Variants in SNRPC observed in about 807,000 individuals in gnomAD.
SNRPC encodes small nuclear ribonucleoprotein polypeptide C.
A neutral mutation model predicts 20.0 loss-of-function variants in SNRPC; 5 were observed. The observed-to-expected ratio is 0.25, with a 90% CI of 0.13 to 0.53. The LOEUF (loss-of-function observed/expected upper bound fraction) is 0.53. SNRPC is among the 20% of genes least tolerant of loss of function. The probability of loss-of-function intolerance (pLI) is 0.96; values close to 1 mark genes in which losing one functional copy is unlikely to be tolerated. For missense variants in SNRPC, 112 were observed against 224.1 expected (o/e 0.50, Z 3.19); for synonymous variants, 61 against 58.7 (o/e 1.04, Z -0.18).
chr6:34,765,135 G>C (rs946631680), intron 3 of SNRPC, among the ~76,000 whole-genome samples: 4 of 152,064 alleles, frequency 2.6e-5, no homozygotes, highest in Non-Finnish European at 5.9e-5. Flanking sequence ...TCTCAACCTC[G>C]ATACTGTTGG....
chr6:34,763,448 G>A (rs11965761), intron 3 of SNRPC, among the ~76,000 whole-genome samples: 66,498 of 151,704 alleles, frequency 0.44, 16,381 homozygotes, highest in African/African-American at 0.67. Context: ...TTGGGAGGCC[G>A]AGGCTGGCAG....
intron 2 of SNRPC, among the ~76,000 whole-genome samples, chr6:34,761,012 C>G (rs181817085): frequency 6.6e-6 from 1 of 150,548 alleles, no homozygotes; most frequent in African/African-American, 2.4e-5. Context: ...CTTGCCACTG[C>G]ACTCCAGCCT....
intron 5 of SNRPC, among the ~76,000 whole-genome samples, chr6:34,772,051 A>G (rs922755076): frequency 6.6e-6 from 1 of 152,178 alleles, no homozygotes; most frequent in Non-Finnish European, 1.5e-5. Flanking sequence ...TTTTCAAACC[A>G]GGATAAAATG....
rs777886126 is a variant in SNRPC at position 34,764,945 on chromosome 6, C to T, written c.160+2242C>T. Among the ~76,000 whole-genome samples the T allele has an allele frequency of 4.6e-5, 7 of 151,954 alleles. No individual in the cohort carries two copies. The South Asian group carries it at 8.3e-4, about 18-fold the overall frequency. On this transcript the variant is annotated intron_variant, in intron 3 of 5. Transcript: ENST00000244520. The stretch of plus-strand genomic sequence containing the variant: ...CTGAGGCAGGAGAATCGCTTGAACC[C>T]GGGAGGTGGAGGTTGCAGTGAACAG...
At chr6:34,759,678 A>G (rs887884018) in intron 2 of SNRPC, among the ~76,000 whole-genome samples, 2 of 152,206 alleles carry the variant, frequency 1.3e-5, no homozygotes, top group African/African-American at 2.4e-5. Context: ...GATTCATTCT[A>G]AAGTACCAGG....
At chr6:34,765,725 G>A (rs1170982198) in intron 3 of SNRPC, among the ~76,000 whole-genome samples, 1 of 151,596 alleles carries the variant, frequency 6.6e-6, no homozygotes, top group Non-Finnish European at 1.5e-5. Flanking sequence ...GGCCAGGCAT[G>A]AGCCACCATG....
Position 34,773,474 on chromosome 6 carries a change from C to G in SNRPC, c.384C>G (p.Gly128=), listed in dbSNP as rs1457689507. The change falls in exon 6 of 6, where the codon GGC becomes GGG. Residue 128 remains glycine (G), a synonymous_variant. Coordinates refer to ENST00000244520, the MANE Select transcript of SNRPC (RefSeq NM_003093.3). This position sits in a 1 kb window ranked among gnomAD's most constrained non-coding sequence, Gnocchi z 4.1. ...PAPGMRPPMG[G]HMPMMPGPPM... ...CTGGAATGAGGCCGCCCATGGGAGG[C>G]CATATGCCAATGATGCCTGGGCCCC... 2 of 1,613,634 alleles carry G rather than the reference C, an allele frequency of 1.2e-6. No individual in the cohort carries two copies. The highest frequency in any genetic ancestry group is 1.7e-6 in the Non-Finnish European group (2 of 1,179,784).
intron 5 of SNRPC, among the ~76,000 whole-genome samples, chr6:34,772,332 C>G (rs1005250497): frequency 5.3e-5 from 8 of 152,202 alleles, no homozygotes; most frequent in African/African-American, 9.7e-5. Context: ...ACTATGGAGA[C>G]TAAAGAAAAC....
In SNRPC at chr6:34,762,348, A is replaced by G. The variant is rs531177111; in HGVS notation, c.52-247A>G. 2.1e-4 allele frequency among the ~76,000 whole-genome samples: 32 copies of G among 152,176 alleles called. 1 individual carries two copies. The South Asian group carries it at 6.6e-3, about 32-fold the overall frequency. Reference sequence around the variant, plus strand: ...TAGAGATAAATGTGGTTGTGTTCCAATACTTTTTTTTTAAAACACAAAAGC... The same window carrying G: ...TAGAGATAAATGTGGTTGTGTTCCAGTACTTTTTTTTTAAAACACAAAAGC... On this transcript the variant is annotated intron_variant, in intron 2 of 5. Transcript: ENST00000244520.
At position 34,757,537 on chromosome 6, in the gene SNRPC, G is replaced by C; in HGVS notation, c.-7G>C. 6.2e-7 allele frequency: 1 copy of C among 1,613,768 alleles called. No individual in the cohort carries two copies. Reference sequence around the variant, plus strand: ...GTAACGGAGTGGCCAACGGCCTGCAGAGCAACATGCCCAAGTGAGTGGGGC... The same window carrying C: ...GTAACGGAGTGGCCAACGGCCTGCACAGCAACATGCCCAAGTGAGTGGGGC... On this transcript the variant is annotated 5_prime_UTR_variant, in exon 1 of 6. Coordinates refer to ENST00000244520, the MANE Select transcript of SNRPC (RefSeq NM_003093.3).
chr6:34,757,832 T>A (rs555521054), intron 1 of SNRPC, 80 bp from the exon 2 acceptor site: 2 of 1,609,830 alleles, frequency 1.2e-6, no homozygotes, highest in African/African-American at 2.7e-5. Context: ...TGTTTTGTTT[T>A]TATCTTCCAT....
At chr6:34,763,099 T>G (rs2127406275) in intron 3 of SNRPC, among the ~76,000 whole-genome samples, 1 of 152,248 alleles carries the variant, frequency 6.6e-6, no homozygotes, top group East Asian at 1.9e-4. Context: ...CCCAAATAGT[T>G]TGAGACTATA....
intron 3 of SNRPC, among the ~76,000 whole-genome samples, chr6:34,767,043 A>G (rs886254265): frequency 6.6e-6 from 1 of 152,132 alleles, no homozygotes; most frequent in Non-Finnish European, 1.5e-5. Context: ...TTTTAAATTG[A>G]TTGCATTAGA....
intron 3 of SNRPC, among the ~76,000 whole-genome samples, chr6:34,764,142 G>C (rs1233736498): frequency 6.6e-6 from 1 of 150,746 alleles, no homozygotes; most frequent in Non-Finnish European, 1.5e-5. Flanking sequence ...TCAGGAGTTC[G>C]AGACCAGCTT....
chr6:34,767,820 G>A, intron 3 of SNRPC, 88 bp from the exon 4 acceptor site: 1 of 1,326,156 alleles, frequency 7.5e-7, no homozygotes. Flanking sequence ...TGGAACCGTT[G>A]AAGACTTAAA....
intron 5 of SNRPC, among the ~76,000 whole-genome samples, chr6:34,771,749 C>T (rs1388885235): frequency 6.6e-6 from 1 of 152,152 alleles, no homozygotes; most frequent in African/African-American, 2.4e-5. Flanking sequence ...GCAGAAGTAT[C>T]AGTATGTGTG....
Position 34,768,901 on chromosome 6 carries a change from T to C in SNRPC, c.250+904T>C, listed in dbSNP as rs1340749482. ...GACTGAGTGCTGTACTGGGTCGTAC[T>C]GTACTGTAGCTCTCCTGGGAGGGGT... On this transcript the variant is annotated intron_variant, in intron 4 of 5. Coordinates refer to ENST00000244520, the MANE Select transcript of SNRPC (RefSeq NM_003093.3). 3.3e-5 allele frequency among the ~76,000 whole-genome samples: 5 copies of C among 152,208 alleles called. No individual in the cohort carries two copies. In the South Asian group the frequency reaches 1.0e-3, roughly 31 times the overall value.
At chr6:34,772,886 AT>A (rs1246615203) in intron 5 of SNRPC, 1 of 152,196 alleles carries the variant, frequency 6.6e-6, no homozygotes, top group Non-Finnish European at 1.5e-5. Context: ...GTGTGCGCTA[AT>A]TGTTATAAAT....
chr6:34,770,044 GAAACCCTGTCTCTACTAGAAATACAA>G (rs1386407077), intron 4 of SNRPC, among the ~76,000 whole-genome samples: 1 of 152,294 alleles, frequency 6.6e-6, no homozygotes, highest in Non-Finnish European at 1.5e-5. Flanking sequence ...CCAACATGGA[GAAACCCTGTCTCTACTAGAAATACAA>G]AATTAGCTGG....
Sources: gnomAD v4.1 joint callset for allele counts (sites outside exome capture counted in the v4.1 genomes callset) on GRCh38, gnomAD v4.1.1 for gene constraint, Gnocchi (gnomAD v3.1) non-coding constraint, MANE v1.5 for transcripts, NCBI Gene and HGNC (gene_info 2026-07-23, HGNC 2026-07-21) for gene names.